Variants in HPS3 observed in about 807,000 individuals in gnomAD.
HPS3 encodes the protein BLOC-2 complex member HPS3.
HPS3 carries 79 observed loss-of-function variants against 110.9 expected under a neutral mutation model. The observed-to-expected ratio is 0.71, with a 90% confidence interval of 0.59 to 0.86. The LOEUF (loss-of-function observed/expected upper bound fraction) is 0.86, where lower values mean the gene tolerates loss of function less well. Among genes scored for constraint, HPS3 ranks in the 40% least tolerant of loss-of-function variants. The pLI, the probability that HPS3 is intolerant of heterozygous loss-of-function variation, is 0.00. For missense variants in HPS3, 1,197 were observed against 1,206.2 expected, an observed-to-expected ratio of 0.99 and a Z score of 0.11; for synonymous variants, 428 against 451.0, an observed-to-expected ratio of 0.95 and a Z score of 0.65.
intron 12 of HPS3, 136 bp from the exon 13 acceptor site, chr3:149,162,554 C>A: frequency 9.3e-7 from 1 of 1,080,482 alleles, no homozygotes; most frequent in Non-Finnish European, 1.4e-6. Flanking sequence ...TCTAAATTTG[C>A]TTTTGCCATG....
At chr3:149,151,917 G>A (rs574362201) in intron 6 of HPS3, among the ~76,000 whole-genome samples, 25 of 152,224 alleles carry the variant, frequency 1.6e-4, no homozygotes, top group African/African-American at 5.5e-4. Flanking sequence ...AGCCAGCCCC[G>A]ACTTAGTGCC....
At chr3:149,142,357 T>C (rs1223787849) in intron 4 of HPS3, among the ~76,000 whole-genome samples, 1 of 152,224 alleles carries the variant, frequency 6.6e-6, no homozygotes, top group African/African-American at 2.4e-5. Flanking sequence ...GCTTGTGAAT[T>C]AGGTGTAAAA....
chr3:149,162,322 T>G lies in HPS3; in HGVS notation c.2281T>G (p.Ser761Ala), dbSNP rs1576694231. 1.2e-6 allele frequency: 2 copies of G among 1,613,952 alleles called. No homozygotes were observed. Among genetic ancestry groups the G allele is most frequent in the East Asian group, 2.2e-5 (1 of 44,874 alleles). The change falls in exon 12 of 17, where the codon TCC (serine) becomes GCC (alanine). Residue 761 changes from serine (S) to alanine (A), a missense_variant. Transcript: ENST00000296051. ...CAAAATTGGAATTGAAGAAGCAGAT[T>G]CCTTTTTTAAGGTTTGTCACTTTGA... The part of the protein sequence containing the change: ...NNKIGIEEAD[S>A]FFKVLCAKDE...
chr3:149,163,792 C>T lies in HPS3; in HGVS notation c.2482-50C>T, dbSNP rs757486434. ...CTTTGCTCTTTGTGGAATGGATAAG[C>T]AAGCTTTTGTTGTTATATTTTGTTT... On this transcript the variant is annotated intron_variant, in intron 13 of 16. Coordinates refer to ENST00000296051, the MANE Select transcript of HPS3 (RefSeq NM_032383.5). 4 of 1,002,294 alleles carry T rather than the reference C, an allele frequency of 4.0e-6. No homozygotes were observed. The South Asian group carries it at 5.2e-5, about 13-fold the overall frequency. 62.1% of individuals were successfully genotyped at this position (1,002,294 alleles called of 1,614,324 possible). A position where few individuals can be genotyped will look rare whatever the true frequency, so the allele number is the denominator to read the frequency against.
intron 4 of HPS3, among the ~76,000 whole-genome samples, chr3:149,144,116 C>A (rs1168745080): frequency 6.6e-6 from 1 of 151,974 alleles, no homozygotes. Context: ...GTGGTTCACG[C>A]CTGTAATCCC....
At chr3:149,156,852 G>C (rs1232134161) in intron 8 of HPS3, among the ~76,000 whole-genome samples, 1 of 152,064 alleles carries the variant, frequency 6.6e-6, no homozygotes, top group Non-Finnish European at 1.5e-5. Context: ...TGAATATATT[G>C]ATTGAGTCAG....
At chr3:149,138,153 G>A (rs1576663188) in intron 1 of HPS3, among the ~76,000 whole-genome samples, 1 of 152,054 alleles carries the variant, frequency 6.6e-6, no homozygotes, top group African/African-American at 2.4e-5. Flanking sequence ...ACAGGTTCAG[G>A]CTCCATCTCT....
chr3:149,173,512 A>G lies in HPS3; in HGVS notation c.*1290A>G. On this transcript the variant is annotated 3_prime_UTR_variant, in exon 17 of 17. Coordinates refer to ENST00000296051, the MANE Select transcript of HPS3 (RefSeq NM_032383.5). Reference sequence around the variant, plus strand: ...ATTACCTAGTGTACAAGTGTCAGTCATGTATCATTATATAGTCTGTTGATC... The same window carrying G: ...ATTACCTAGTGTACAAGTGTCAGTCGTGTATCATTATATAGTCTGTTGATC... 1 of 448,442 alleles carries G rather than the reference A, an allele frequency of 2.2e-6. No homozygotes were observed. The highest frequency in any genetic ancestry group is 4.1e-6 in the Non-Finnish European group (1 of 241,730). 27.8% of individuals were successfully genotyped at this position (448,442 alleles called of 1,614,324 possible).
At chr3:149,151,390 A>G (rs1296216504) in intron 6 of HPS3, among the ~76,000 whole-genome samples, 1 of 151,846 alleles carries the variant, frequency 6.6e-6, no homozygotes, top group Non-Finnish European at 1.5e-5. Flanking sequence ...TGTTAACAAA[A>G]CAGTCCAGAA....
At chr3:149,140,572 T>A (rs745941464) in intron 2 of HPS3, 74 bp downstream of exon 2, 39 of 1,490,820 alleles carry the variant, frequency 2.6e-5, no homozygotes, top group Non-Finnish European at 3.5e-5. Flanking sequence ...TCTGAAGGTC[T>A]GTGGTATATA....
chr3:149,144,404 T>A (rs1204378085), intron 4 of HPS3, among the ~76,000 whole-genome samples: 3 of 151,910 alleles, frequency 2.0e-5, no homozygotes, highest in Non-Finnish European at 4.4e-5. Context: ...ATAAAAAAAA[T>A]TTTGTTGATA....
chr3:149,134,599 C>G (rs1343781530), intron 1 of HPS3, among the ~76,000 whole-genome samples: 1 of 152,172 alleles, frequency 6.6e-6, no homozygotes, highest in Non-Finnish European at 1.5e-5. Context: ...TGGGCCAAAC[C>G]CTCAGAGATA....
intron 13 of HPS3, 28 bp downstream of exon 13, chr3:149,162,906 T>G: frequency 6.4e-7 from 1 of 1,564,484 alleles, no homozygotes; most frequent in Non-Finnish European, 8.8e-7. Context: ...TACCTTAAAT[T>G]TAACTCATGC....
Position 149,170,801 on chromosome 3 carries a change from C to T in HPS3, c.2888-1294C>T, listed in dbSNP as rs149783065. ...AATAGAGTAAGCGATGGGCATGCAA[C>T]GATCACACAGGGAATGGCACTGACA... On this transcript the variant is annotated intron_variant, in intron 16 of 16. Coordinates refer to ENST00000296051, the MANE Select transcript of HPS3 (RefSeq NM_032383.5). Among the ~76,000 whole-genome samples the T allele has an allele frequency of 7.6e-3, 1,161 of 152,188 alleles. 14 individuals carry two copies. Among genetic ancestry groups the T allele is most frequent in the African/African-American group, 0.026 (1,059 of 41,508 alleles).
At chr3:149,154,882 A>G (rs1257530893) in intron 7 of HPS3, among the ~76,000 whole-genome samples, 2 of 152,260 alleles carry the variant, frequency 1.3e-5, no homozygotes, top group African/African-American at 4.8e-5. Context: ...GTGAATTGGA[A>G]GCAGTTGGTT....
Position 149,140,149 on chromosome 3 carries a change from C to A in HPS3, c.363C>A (p.Phe121Leu). 6.2e-7 allele frequency: 1 copy of A among 1,614,076 alleles called. No homozygotes were observed. ...TGGAGGGACCATTCAGCAAAGCCTT[C>A]AGAGACCAGATGTACATTATTGAAA... The part of the protein sequence containing the change: ...HNVEGPFSKA[F>L]RDQMYIIEMP... Residue 121 changes from phenylalanine (F) to leucine (L), a missense_variant, in exon 2 of 17, where the codon TTC (phenylalanine) becomes TTA (leucine). By Grantham distance (22) the Phe-to-Leu change is conservative. Coordinates refer to ENST00000296051, the MANE Select transcript of HPS3 (RefSeq NM_032383.5).
In HPS3 at chr3:149,167,239, G is replaced by C; in HGVS notation, c.2795G>C (p.Arg932Pro). ...AATCATGAACTGAAAGAAGAGAACC[G>C]GGTATGCTTTTTCAGATTATGTTTT... ...YANHELKEEN[R>P]TLWWKKLLPE... Residue 932 changes from arginine to proline, a missense_variant and splice_region_variant, in exon 15 of 17, where the codon CGG becomes CCG. Transcript: ENST00000296051. The C allele has an allele frequency of 1.2e-6, 2 of 1,609,748 alleles. No individual in the cohort carries two copies. The highest frequency in any genetic ancestry group is 8.5e-7 in the Non-Finnish European group (1 of 1,177,286).
At chr3:149,135,790 A>G (rs1243332957) in intron 1 of HPS3, among the ~76,000 whole-genome samples, 3 of 152,008 alleles carry the variant, frequency 2.0e-5, no homozygotes, top group African/African-American at 7.3e-5. Flanking sequence ...GTGGTGGGGC[A>G]TGGAGGATGC....
intron 1 of HPS3, 60 bp downstream of exon 1, chr3:149,130,000 G>A (rs1576653871): frequency 3.5e-6 from 5 of 1,443,334 alleles, no homozygotes; most frequent in Middle Eastern, 2.4e-4. Flanking sequence ...CCTAGCTAGC[G>A]GACCGAACGT....
Sources: gnomAD v4.1 joint callset for allele counts (sites outside exome capture counted in the v4.1 genomes callset) on GRCh38, gnomAD v4.1.1 for gene constraint, MANE v1.5 for transcripts, NCBI Gene and HGNC (gene_info 2026-07-23, HGNC 2026-07-21) for gene names.